The following IPCEF1 variants were observed in gnomAD, a reference collection of about 807,000 sequenced individuals.
The protein encoded by IPCEF1 is interaction protein for cytohesin exchange factors 1.
A neutral mutation model predicts 50.9 loss-of-function variants in IPCEF1; 31 were observed. The observed-to-expected ratio is 0.61, with a 90% confidence interval of 0.46 to 0.82. The LOEUF (loss-of-function observed/expected upper bound fraction) is 0.82, where lower values mean the gene tolerates loss of function less well. Among genes scored for constraint, IPCEF1 ranks in the 40% least tolerant of loss-of-function variants. The probability of loss-of-function intolerance (pLI) is 0.00; values close to 1 mark genes in which losing one functional copy is unlikely to be tolerated. For synonymous variants in IPCEF1, 181 were observed against 192.0 expected (o/e 0.94, Z 0.47); for missense variants, 458 against 514.0 (o/e 0.89, Z 1.05).
In IPCEF1 at chr6:154,284,635, C is replaced by G. The variant is rs143541244; in HGVS notation, c.-18+5078G>C. 7.2e-5 allele frequency among the ~76,000 whole-genome samples: 11 copies of G among 152,198 alleles called. No homozygotes were observed. In the East Asian group the frequency reaches 2.1e-3, roughly 29 times the overall value. On this transcript the variant is annotated intron_variant, in intron 2 of 11. Transcript: ENST00000367220. ...GGTGGAGCTTTCATCAGCCTGAATC[C>G]CTGAGTGACTTTGTGGAGTAGAGGA...
At chr6:154,295,131 G>C (rs1209675419) in intron 1 of IPCEF1, among the ~76,000 whole-genome samples, 1 of 152,046 alleles carries the variant, frequency 6.6e-6, no homozygotes, top group African/African-American at 2.4e-5. Flanking sequence ...CCAGGAGGCG[G>C]GGATTGCAGT....
At chr6:154,350,077 T>C (rs1784096097) in intron 1 of IPCEF1, among the ~76,000 whole-genome samples, 1 of 152,186 alleles carries the variant, frequency 6.6e-6, no homozygotes, top group East Asian at 1.9e-4. Context: ...AAAGTACTTA[T>C]GCAGGTACCA....
intron 10 of IPCEF1, among the ~76,000 whole-genome samples, chr6:154,187,156 C>T (rs1048889488): frequency 6.6e-6 from 1 of 151,980 alleles, no homozygotes; most frequent in African/African-American, 2.4e-5. Context: ...TTGGCTCACC[C>T]TCTCCCCTCC....
chr6:154,216,732 G>A (rs554008523), intron 7 of IPCEF1, among the ~76,000 whole-genome samples: 1 of 152,298 alleles, frequency 6.6e-6, no homozygotes, highest in African/African-American at 2.4e-5. Context: ...GCCAGGCGTG[G>A]TGGCACACGC....
intron 1 of IPCEF1, among the ~76,000 whole-genome samples, chr6:154,305,114 CAAA>C (rs5881075): frequency 1.5e-5 from 2 of 134,120 alleles, no homozygotes; most frequent in African/African-American, 2.7e-5. Flanking sequence ...AACTCTGTCT[CAAA>C]AAAAAAAAAA....
chr6:154,292,847 G>T (rs915540299), intron 1 of IPCEF1, among the ~76,000 whole-genome samples: 2 of 152,178 alleles, frequency 1.3e-5, no homozygotes, highest in African/African-American at 2.4e-5. Flanking sequence ...TATTGAGTAA[G>T]CTAACACTCA....
intron 2 of IPCEF1, among the ~76,000 whole-genome samples, chr6:154,271,520 A>C: frequency 6.6e-6 from 1 of 152,236 alleles, no homozygotes; most frequent in African/African-American, 2.4e-5. Context: ...TATATTATAT[A>C]GATTACTTTT....
At chr6:154,235,759 AG>A (rs1222010625) in intron 5 of IPCEF1, among the ~76,000 whole-genome samples, 1 of 152,210 alleles carries the variant, frequency 6.6e-6, no homozygotes, top group Non-Finnish European at 1.5e-5. Context: ...TCTCCCAAGA[AG>A]ATATGGAAAT....
chr6:154,296,539 A>G (rs1479372975), intron 1 of IPCEF1, among the ~76,000 whole-genome samples: 2 of 152,128 alleles, frequency 1.3e-5, no homozygotes, highest in East Asian at 3.9e-4. Context: ...TGTTGTTAAA[A>G]TGAATATCGG....
Position 154,164,765 on chromosome 6 carries a change from T to G in IPCEF1, c.1104+3155A>C, listed in dbSNP as rs376400248. 3.9e-5 allele frequency among the ~76,000 whole-genome samples: 6 copies of G among 152,336 alleles called. 1 individual carries two copies. The highest frequency in any genetic ancestry group is 1.3e-4 in the Admixed American group (2 of 15,298). The stretch of plus-strand genomic sequence containing the variant: ...CAGAGTAACTCAGAGAGAGTTTCAG[T>G]TGGACCCATTAATCATTCCATTAAT... On this transcript the variant is annotated intron_variant, in intron 11 of 11. Coordinates refer to ENST00000367220, the MANE Select transcript of IPCEF1 (RefSeq NM_001130700.2).
chr6:154,323,503 A>G (rs73789446), intron 1 of IPCEF1, among the ~76,000 whole-genome samples: 11 of 53,498 alleles, frequency 2.1e-4, no homozygotes, highest in African/African-American at 6.9e-4. Flanking sequence ...AGAAATAAAC[A>G]TTTATTTGGT....
intron 2 of IPCEF1, among the ~76,000 whole-genome samples, chr6:154,266,834 G>GA (rs1781769399): frequency 6.6e-6 from 1 of 151,692 alleles, no homozygotes; most frequent in Non-Finnish European, 1.5e-5. Context: ...AAAACAAAAG[G>GA]AAAAAAATCC....
At chr6:154,233,616 G>C (rs1050108340) in intron 5 of IPCEF1, among the ~76,000 whole-genome samples, 2 of 152,158 alleles carry the variant, frequency 1.3e-5, no homozygotes, top group African/African-American at 4.8e-5. Flanking sequence ...TATAAAAACA[G>C]ATGGAAAGAA....
At chr6:154,232,497 T>C (rs1157731241) in intron 5 of IPCEF1, among the ~76,000 whole-genome samples, 3 of 152,208 alleles carry the variant, frequency 2.0e-5, no homozygotes, top group Non-Finnish European at 4.4e-5. Flanking sequence ...CCTGGTATTA[T>C]ACCATGGGAA....
intron 9 of IPCEF1, among the ~76,000 whole-genome samples, chr6:154,207,936 A>C (rs187138994): frequency 4.5e-4 from 69 of 152,326 alleles, no homozygotes; most frequent in African/African-American, 1.5e-3. Context: ...CGGATTCAAA[A>C]TCTAACCATT....
At chr6:154,166,666 G>A (rs542309859) in intron 11 of IPCEF1, among the ~76,000 whole-genome samples, 1 of 152,286 alleles carries the variant, frequency 6.6e-6, no homozygotes, top group East Asian at 1.9e-4. Flanking sequence ...CACCGGTAGA[G>A]TCCATTCAAT....
chr6:154,192,856 CT>C lies in IPCEF1; in HGVS notation c.910+6811del, dbSNP rs200207370. ...CTTATTACTGCAAGAATGTCCGTAA[CT>C]AAAAAATAATAGATGTTGGTGTGGA... On this transcript the variant is annotated intron_variant, in intron 10 of 11. Transcript: ENST00000367220. 5.8e-3 allele frequency among the ~76,000 whole-genome samples: 877 copies of C among 152,186 alleles called. 7 individuals carry two copies. The highest frequency in any genetic ancestry group is 0.019 in the African/African-American group (787 of 41,530).
chr6:154,195,031 C>T (rs1020214195), intron 10 of IPCEF1, among the ~76,000 whole-genome samples: 5 of 152,152 alleles, frequency 3.3e-5, no homozygotes, highest in Admixed American at 3.3e-4. Context: ...CCCCTTCCTT[C>T]CCGTCTCCAC....
chr6:154,193,372 A>G (rs1802105421), intron 10 of IPCEF1, among the ~76,000 whole-genome samples: 1 of 152,200 alleles, frequency 6.6e-6, no homozygotes, highest in Non-Finnish European at 1.5e-5. Flanking sequence ...AAAGGATAAG[A>G]GTGAGGTGAC....
Sources: gnomAD v4.1 joint callset for allele counts (sites outside exome capture counted in the v4.1 genomes callset) on GRCh38, gnomAD v4.1.1 for gene constraint, MANE v1.5 for transcripts, NCBI Gene and HGNC (gene_info 2026-07-23, HGNC 2026-07-21) for gene names.